The following CCR9 variants were observed in gnomAD, a reference collection of about 807,000 sequenced individuals.
The protein encoded by CCR9 is C-C chemokine receptor type 9.
Under a neutral mutation model 8.7 loss-of-function variants are expected in CCR9, and 4 were observed. That is an observed-to-expected ratio of 0.46 (90% confidence interval 0.23 to 1.06). The LOEUF (loss-of-function observed/expected upper bound fraction) is 1.06. Among genes scored for constraint, CCR9 ranks in the 50% least tolerant of loss-of-function variants. CCR9 has a pLI of 0.21. For missense variants in CCR9, 394 were observed against 453.6 expected, an observed-to-expected ratio of 0.87 and a Z score of 1.19; for synonymous variants, 159 against 168.8, an observed-to-expected ratio of 0.94 and a Z score of 0.45.
At chr3:45,891,215 G>T (rs1702170460) in intron 1 of CCR9, among the ~76,000 whole-genome samples, 1 of 152,204 alleles carries the variant, frequency 6.6e-6, no homozygotes, top group Admixed American at 6.5e-5. Context: ...GGAGGCTGGG[G>T]CTACTCATTT....
At chr3:45,899,161 C>T (rs138764557) in intron 2 of CCR9, among the ~76,000 whole-genome samples, 15 of 152,318 alleles carry the variant, frequency 9.8e-5, no homozygotes, top group East Asian at 7.7e-4. Flanking sequence ...AGCAAAACTC[C>T]GTCTCAAAAC....
rs759132458 is a variant in CCR9 at position 45,901,876 on chromosome 3, C to G, written c.1088C>G (p.Thr363Ser). ...CTGTCGTCTATGTTGCTGGAGACAA[C>G]CTCAGGAGCACTCTCCCTCTGAGGG... ...LKLSSMLLETTSGALSL is the reference protein window; with the variant it reads ...LKLSSMLLETSSGALSL Residue 363 changes from threonine (T) to serine (S), a missense_variant, in exon 3 of 3, where the codon ACC becomes AGC. Thr to Ser is a moderately conservative substitution (Grantham distance 58). Coordinates refer to ENST00000357632, the MANE Select transcript of CCR9 (RefSeq NM_031200.3). The surrounding 1 kb of genome is among the most constrained non-coding windows in gnomAD (Gnocchi z 4.3). 1 of 1,602,862 alleles carries G rather than the reference C, an allele frequency of 6.2e-7. No homozygotes were observed. Among genetic ancestry groups the G allele is most frequent in the Non-Finnish European group, 8.5e-7 (1 of 1,171,830 alleles).
At chr3:45,899,835 C>T (rs540331384) in intron 2 of CCR9, among the ~76,000 whole-genome samples, 1 of 152,208 alleles carries the variant, frequency 6.6e-6, no homozygotes, top group Admixed American at 6.5e-5. Flanking sequence ...CTCAGGGTCT[C>T]ATTTCCAGAC....
In CCR9 at chr3:45,901,240, C is replaced by G; in HGVS notation, c.452C>G (p.Ala151Gly). Residue 151 changes from alanine (A) to glycine (G), a missense_variant, in exon 3 of 3, where the codon GCC (alanine) becomes GGC (glycine). Transcript: ENST00000357632. The surrounding 1 kb of genome is among the most constrained non-coding windows in gnomAD (Gnocchi z 4.3). ...GACAGGTACATTGCCATTGCCCAGG[C>G]CATGAGAGCACATACTTGGAGGGAG... Reference protein sequence around the residue: ...SVDRYIAIAQAMRAHTWREKR... With the variant: ...SVDRYIAIAQGMRAHTWREKR... 1 of 1,614,162 alleles carries G rather than the reference C, an allele frequency of 6.2e-7. No individual in the cohort carries two copies. The highest frequency in any genetic ancestry group is 8.5e-7 in the Non-Finnish European group (1 of 1,180,022).
chr3:45,901,307 G>A lies in CCR9; in HGVS notation c.519G>A (p.Trp173Ter). Residue 173 changes from tryptophan (W) to a stop codon, truncating the protein, a stop_gained, in exon 3 of 3, where the codon TGG (tryptophan) becomes TGA (stop). Coordinates refer to ENST00000357632, the MANE Select transcript of CCR9 (RefSeq NM_031200.3). LOFTEE classifies it low-confidence loss of function (END_TRUNC). This position sits in a 1 kb window ranked among gnomAD's most constrained non-coding sequence, Gnocchi z 4.3. ...GCAAAATGGTTTGCTTTACCATCTG[G>A]GTATTGGCAGCTGCTCTCTGCATCC... ...LYSKMVCFTIWVLAAALCIPE... is the reference protein window; with the variant it reads ...LYSKMVCFTI The A allele has an allele frequency of 6.2e-7, 1 of 1,614,134 alleles. No homozygotes were observed.
intron 1 of CCR9, among the ~76,000 whole-genome samples, chr3:45,890,091 T>C (rs2125740092): frequency 6.7e-6 from 1 of 150,132 alleles, no homozygotes; most frequent in South Asian, 2.1e-4. Flanking sequence ...GTCGTTACCA[T>C]CTATTGCTAT....
Position 45,901,605 on chromosome 3 carries a change from A to G in CCR9, c.817A>G (p.Ile273Val), listed in dbSNP as rs1702560287. 1.2e-6 allele frequency: 2 copies of G among 1,614,048 alleles called. No homozygotes were observed. The highest frequency in any genetic ancestry group is 8.5e-7 in the Non-Finnish European group (1 of 1,180,006). The change falls in exon 3 of 3, where the codon ATT becomes GTT. Residue 273 changes from isoleucine (I) to valine (V), a missense_variant. Transcript: ENST00000357632. The surrounding 1 kb of genome is among the most constrained non-coding windows in gnomAD (Gnocchi z 4.3). ...FVLSQFPYNC[I>V]LLVQTIDAYA... ...CTTGTCTCAGTTTCCCTACAACTGC[A>G]TTTTGTTGGTGCAGACCATTGACGC...
At chr3:45,889,528 C>T (rs1702083817) in intron 1 of CCR9, among the ~76,000 whole-genome samples, 1 of 151,798 alleles carries the variant, frequency 6.6e-6, no homozygotes, top group African/African-American at 2.4e-5. Flanking sequence ...TTTATGACAG[C>T]TCTTAAAATA....
chr3:45,897,791 A>G, intron 2 of CCR9: 1 of 574,160 alleles, frequency 1.7e-6, no homozygotes, highest in Non-Finnish European at 3.1e-6. Context: ...TCCTCTTAAC[A>G]TGTCTTTAAA....
At chr3:45,894,144 T>C (rs2125749005) in intron 1 of CCR9, among the ~76,000 whole-genome samples, 1 of 152,256 alleles carries the variant, frequency 6.6e-6, no homozygotes, top group Admixed American at 6.5e-5. Context: ...TATGTAGGGG[T>C]GGGCTTTAAA....
At chr3:45,888,822 G>T (rs1233057621) in intron 1 of CCR9, among the ~76,000 whole-genome samples, 1 of 140,644 alleles carries the variant, frequency 7.1e-6, no homozygotes, top group Non-Finnish European at 1.5e-5. Flanking sequence ...AGATGGCAAG[G>T]CTGTCTGTGG....
rs1306464626 is a variant in CCR9 at position 45,901,522 on chromosome 3, A to G, written c.734A>G (p.Lys245Arg). ...ATCATTCACACCCTGATACAAGCCA[A>G]GAAGTCTTCCAAGCACAAAGCCCTA... ...TIIIHTLIQA[K>R]KSSKHKALKV... Residue 245 changes from lysine (K) to arginine (R), a missense_variant, in exon 3 of 3, where the codon AAG becomes AGG. Coordinates refer to ENST00000357632, the MANE Select transcript of CCR9 (RefSeq NM_031200.3). This position sits in a 1 kb window ranked among gnomAD's most constrained non-coding sequence, Gnocchi z 4.3. The G allele has an allele frequency of 1.2e-6, 2 of 1,614,218 alleles. No homozygotes were observed. Among genetic ancestry groups the G allele is most frequent in the Non-Finnish European group, 1.7e-6 (2 of 1,180,034 alleles).
In CCR9 at chr3:45,900,941, C is replaced by T. The variant is rs1575305986; in HGVS notation, c.153C>T (p.Leu51=). 4 of 1,614,256 alleles carry T rather than the reference C, an allele frequency of 2.5e-6. No homozygotes were observed. In the East Asian group the frequency reaches 6.7e-5, roughly 27 times the overall value. Residue 51 remains leucine, a synonymous_variant, in exon 3 of 3, where the codon CTC becomes CTT. Coordinates refer to ENST00000357632, the MANE Select transcript of CCR9 (RefSeq NM_031200.3). This position sits in a 1 kb window ranked among gnomAD's most constrained non-coding sequence, Gnocchi z 4.7. Reference sequence around the variant, plus strand: ...TCAGGCAGTTTGCGAGCCATTTCCTCCCACCCTTGTACTGGCTCGTGTTCA... The same window carrying T: ...TCAGGCAGTTTGCGAGCCATTTCCTTCCACCCTTGTACTGGCTCGTGTTCA... The part of the protein sequence containing the change: ...NNVRQFASHF[L]PPLYWLVFIV...
intron 1 of CCR9, among the ~76,000 whole-genome samples, chr3:45,890,335 A>ATAAAT (rs1553616543): frequency 3.2e-5 from 2 of 61,744 alleles, no homozygotes; most frequent in Admixed American, 2.1e-4. Flanking sequence ...ATATATATAT[A>ATAAAT]ACATATATAT....
In CCR9 at chr3:45,901,772, C is replaced by A; in HGVS notation, c.984C>A (p.Leu328=). The change falls in exon 3 of 3, where the codon CTC becomes CTA. Residue 328 remains leucine (L), a synonymous_variant. Transcript: ENST00000357632. This position sits in a 1 kb window ranked among gnomAD's most constrained non-coding sequence, Gnocchi z 4.3. ...TGGGTGAGAGATTCCGCCGGGATCT[C>A]GTGAAAACCCTGAAGAACTTGGGTT... ...VFVGERFRRD[L]VKTLKNLGCI... is the part of the protein sequence containing the mutation. 6.2e-7 allele frequency: 1 copy of A among 1,614,138 alleles called. No homozygotes were observed. Among genetic ancestry groups the A allele is most frequent in the Non-Finnish European group, 8.5e-7 (1 of 1,180,024 alleles).
rs1295055385 is a variant in CCR9, at chr3:45,901,636, C to A, written c.848C>A (p.Ala283Asp). ...TTGGTGCAGACCATTGACGCCTATGCCATGTTCATCTCCAACTGTGCCGTT... is the reference window on the plus strand; with the variant it reads ...TTGGTGCAGACCATTGACGCCTATGACATGTTCATCTCCAACTGTGCCGTT... ...ILLVQTIDAY[A>D]MFISNCAVST... is the part of the protein sequence containing the mutation. The change falls in exon 3 of 3, where the codon GCC (alanine) becomes GAC (aspartate). Residue 283 changes from alanine to aspartate, a missense_variant. By Grantham distance (126) the Ala-to-Asp change is moderately radical. Coordinates refer to ENST00000357632, the MANE Select transcript of CCR9 (RefSeq NM_031200.3). This position sits in a 1 kb window ranked among gnomAD's most constrained non-coding sequence, Gnocchi z 4.3. The A allele has an allele frequency of 6.2e-7, 1 of 1,614,172 alleles. No individual in the cohort carries two copies. Among genetic ancestry groups the A allele is most frequent in the Non-Finnish European group, 8.5e-7 (1 of 1,179,982 alleles).
intron 1 of CCR9, among the ~76,000 whole-genome samples, chr3:45,886,861 C>T (rs1296507537): frequency 6.6e-6 from 1 of 152,144 alleles, no homozygotes; most frequent in Non-Finnish European, 1.5e-5. Flanking sequence ...AGTAATAAAA[C>T]TCCCTCCCCC....
intron 2 of CCR9, chr3:45,897,443 C>G: frequency 1.4e-6 from 1 of 718,910 alleles, no homozygotes; most frequent in Non-Finnish European, 2.5e-6. Flanking sequence ...GACACAATGT[C>G]CTTGTCTGGG....
chr3:45,896,508 A>G (rs1211085762), intron 2 of CCR9, among the ~76,000 whole-genome samples: 1 of 152,190 alleles, frequency 6.6e-6, no homozygotes, highest in Non-Finnish European at 1.5e-5. Context: ...TCAGCGTCAC[A>G]GTAAAGGCAG....
Sources: gnomAD v4.1 joint callset for allele counts (sites outside exome capture counted in the v4.1 genomes callset) on GRCh38, gnomAD v4.1.1 for gene constraint, Gnocchi (gnomAD v3.1) non-coding constraint, MANE v1.5 for transcripts, NCBI Gene and HGNC (gene_info 2026-07-23, HGNC 2026-07-21) for gene names.